PDPK1: variants seen among roughly 807,000 people sequenced by gnomAD.
PDPK1 encodes the protein 3-phosphoinositide dependent protein kinase 1.
A neutral mutation model predicts 39.8 loss-of-function variants in PDPK1; 7 were observed. That is an observed-to-expected ratio of 0.18 (90% CI 0.10 to 0.33). The LOEUF is 0.33. PDPK1 is among the 10% of genes least tolerant of loss of function. The probability of loss-of-function intolerance (pLI) is 1.00; values close to 1 mark genes in which losing one functional copy is unlikely to be tolerated. For synonymous variants in PDPK1, 118 were observed against 159.1 expected (o/e 0.74, Z 1.95); for missense variants, 182 against 384.7 (o/e 0.47, Z 4.41).
chr16:2,542,241 C>T (rs950758910), intron 1 of PDPK1, among the ~76,000 whole-genome samples: 2 of 152,218 alleles, frequency 1.3e-5, no homozygotes, highest in African/African-American at 4.8e-5. Flanking sequence ...CTCACTGCAA[C>T]CTCCGCCTCA....
rs1438083072 is a variant in PDPK1, at chr16:2,593,899, CTCTT to C, written c.1344-1892_1344-1889del. 1 of 152,336 alleles carries C rather than the reference CTCTT, an allele frequency of 6.6e-6. No homozygotes were observed. The highest frequency in any genetic ancestry group is 2.4e-5 in the African/African-American group (1 of 41,450). 9.4% of individuals were successfully genotyped at this position (152,336 alleles called of 1,614,324 possible). A position where few individuals can be genotyped will look rare whatever the true frequency, so the allele number is the denominator to read the frequency against. ...TTTCAGGAACCTCCTTGATCTGTTT[CTCTT>C]TGTTTTAATACCCACATTGTGTGTG... On this transcript the variant is annotated intron_variant, in intron 11 of 13. Coordinates refer to ENST00000342085, the MANE Select transcript of PDPK1 (RefSeq NM_002613.5). This position sits in a 1 kb window ranked among gnomAD's most constrained non-coding sequence, Gnocchi z 4.2.
chr16:2,597,931 C>G lies in PDPK1; in HGVS notation c.*164C>G. 1.7e-6 allele frequency: 1 copy of G among 591,764 alleles called. No individual in the cohort carries two copies. Among genetic ancestry groups the G allele is most frequent in the Non-Finnish European group, 3.0e-6 (1 of 333,364 alleles). 36.7% of individuals were successfully genotyped at this position (591,764 alleles called of 1,614,324 possible). A position where few individuals can be genotyped will look rare whatever the true frequency, so the allele number is the denominator to read the frequency against. On this transcript the variant is annotated 3_prime_UTR_variant, in exon 14 of 14. Transcript: ENST00000342085. The surrounding 1 kb of genome is among the most constrained non-coding windows in gnomAD (Gnocchi z 6.3). ...TTAAAAGAAAAGAAGAAAAAAAACA[C>G]CCAACCACACAAAGAACAAAACCAG...
rs779859162 is a variant in PDPK1 at position 2,595,869 on chromosome 16, C to G, written c.1401+19C>G. 9 of 1,600,216 alleles carry G rather than the reference C, an allele frequency of 5.6e-6. No individual in the cohort carries two copies. In the South Asian group the frequency reaches 9.9e-5, roughly 18 times the overall value. ...GCGGAAGGTGAGTGGTCAGTGGTCC[C>G]GCTGCTCCGCACGGACACCTGCATC... is the stretch of plus-strand genomic sequence containing the variant. On this transcript the variant is annotated intron_variant, in intron 12 of 13. Transcript: ENST00000342085.
intron 11 of PDPK1, among the ~76,000 whole-genome samples, chr16:2,590,944 A>T (rs1404461979): frequency 2.0e-5 from 3 of 149,900 alleles, no homozygotes; most frequent in Non-Finnish European, 4.4e-5. Flanking sequence ...CTACTGCACC[A>T]GGCCAAAAGT....
At chr16:2,538,989 A>C (rs1030945898) in intron 1 of PDPK1, 2 of 285,686 alleles carry the variant, frequency 7.0e-6, no homozygotes, top group African/African-American at 4.5e-5. Context: ...GAACGTCTAC[A>C]TGGCTTTAAC....
intron 10 of PDPK1, among the ~76,000 whole-genome samples, chr16:2,585,886 A>G (rs1455833601): frequency 6.6e-6 from 1 of 152,084 alleles, no homozygotes; most frequent in Non-Finnish European, 1.5e-5. Flanking sequence ...GGCATGCCGC[A>G]CTCTTATCCT....
intron 1 of PDPK1, among the ~76,000 whole-genome samples, chr16:2,545,326 CTT>C (rs1408888482): frequency 6.6e-6 from 1 of 151,576 alleles, no homozygotes; most frequent in Admixed American, 6.6e-5. Context: ...GTTCTTCTTT[CTT>C]TCTCTCTCTT....
chr16:2,591,083 C>T (rs966404133), intron 11 of PDPK1, among the ~76,000 whole-genome samples: 3 of 152,024 alleles, frequency 2.0e-5, no homozygotes, highest in Non-Finnish European at 4.4e-5. Context: ...CTGCCTCAGC[C>T]TCCCGAGGAG....
chr16:2,538,789 G>T (rs1431272822), intron 1 of PDPK1: 1 of 1,277,462 alleles, frequency 7.8e-7, no homozygotes, highest in Non-Finnish European at 1.0e-6. Flanking sequence ...GGATTTTAGG[G>T]GAAGGACCAA....
chr16:2,591,657 A>G (rs571884805), intron 11 of PDPK1, among the ~76,000 whole-genome samples: 48 of 152,340 alleles, frequency 3.2e-4, no homozygotes, highest in Non-Finnish European at 5.1e-4. Flanking sequence ...GCCTGAACAC[A>G]GATCTCAGCA....
rs1002680332 is a variant in PDPK1 at position 2,598,336 on chromosome 16, G to C, written c.*569G>C. 1.7e-5 allele frequency: 4 copies of C among 233,796 alleles called. No individual in the cohort carries two copies. In the Admixed American group the frequency reaches 2.2e-4, roughly 13 times the overall value. 14.5% of individuals were successfully genotyped at this position (233,796 alleles called of 1,614,324 possible). A position where few individuals can be genotyped will look rare whatever the true frequency, so the allele number is the denominator to read the frequency against. On this transcript the variant is annotated 3_prime_UTR_variant, in exon 14 of 14. Transcript: ENST00000342085. ...TCCCTGTGATGGGCCCTTAGGCCTG[G>C]CTGGGCCCATTACATATCCCTGTGG...
chr16:2,594,848 A>G (rs1011739029), intron 11 of PDPK1, among the ~76,000 whole-genome samples: 1 of 151,832 alleles, frequency 6.6e-6, no homozygotes, highest in Non-Finnish European at 1.5e-5. Flanking sequence ...CCTGGCGGGC[A>G]CAGTGGCTCA....
intron 1 of PDPK1, chr16:2,539,078 CTTTTTTT>C (rs57517702): frequency 6.2e-5 from 9 of 146,328 alleles, no homozygotes; most frequent in South Asian, 3.1e-4. Flanking sequence ...CAGGATGCGG[CTTTTTTT>C]TTTTTTTTTT....
At chr16:2,578,576 C>T (rs1473952970) in intron 7 of PDPK1, 8 of 19,390 alleles carry the variant, frequency 4.1e-4, no homozygotes, top group African/African-American at 1.0e-3. Flanking sequence ...CCTCCTGCCC[C>T]AGGCCAGTCA....
rs576677552 is a variant in PDPK1, at chr16:2,597,441, G to A, written c.1554+166G>A. 2.6e-5 allele frequency among the ~76,000 whole-genome samples: 4 copies of A among 152,318 alleles called. No individual in the cohort carries two copies. Among genetic ancestry groups the A allele is most frequent in the Admixed American group, 1.3e-4 (2 of 15,302 alleles). On this transcript the variant is annotated intron_variant, in intron 13 of 13. Transcript: ENST00000342085. The surrounding 1 kb of genome is among the most constrained non-coding windows in gnomAD (Gnocchi z 6.3). The stretch of plus-strand genomic sequence containing the variant: ...ACACTAGTGGCTCAGTCCTGAGGGG[G>A]CAGGGGACACCCTGTGCTTGTTTTT...
intron 1 of PDPK1, among the ~76,000 whole-genome samples, chr16:2,551,499 C>T (rs2066407077): frequency 2.0e-5 from 3 of 150,408 alleles, no homozygotes; most frequent in Admixed American, 6.9e-5. Flanking sequence ...TGAGAGTGTG[C>T]GGGCGCTGGC....
In PDPK1 at chr16:2,597,877, C is replaced by T. The variant is rs2067135990; in HGVS notation, c.*110C>T. On this transcript the variant is annotated 3_prime_UTR_variant, in exon 14 of 14. Transcript: ENST00000342085. The surrounding 1 kb of genome is among the most constrained non-coding windows in gnomAD (Gnocchi z 6.3). ...CCTGCCAGCCATCACAAGGGGAACG[C>T]AGAGGCGGAAACCTTGCAGCATTTT... 1 of 672,620 alleles carries T rather than the reference C, an allele frequency of 1.5e-6. No individual in the cohort carries two copies. The highest frequency in any genetic ancestry group is 2.6e-6 in the Non-Finnish European group (1 of 380,254). 41.7% of individuals were successfully genotyped at this position (672,620 alleles called of 1,614,324 possible). A position where few individuals can be genotyped will look rare whatever the true frequency, so the allele number is the denominator to read the frequency against.
At chr16:2,585,573 G>GT (rs1192361952) in intron 10 of PDPK1, among the ~76,000 whole-genome samples, 1 of 152,250 alleles carries the variant, frequency 6.6e-6, no homozygotes, top group Admixed American at 6.5e-5. Context: ...CTGAGGTCCT[G>GT]TAAGTGCCGG....
chr16:2,544,414 A>G (rs1288069809), intron 1 of PDPK1, among the ~76,000 whole-genome samples: 2 of 152,226 alleles, frequency 1.3e-5, no homozygotes, highest in African/African-American at 2.4e-5. Context: ...GTCTCCTGGA[A>G]CTTACTGGAC....
Sources: gnomAD v4.1 joint callset for allele counts (sites outside exome capture counted in the v4.1 genomes callset) on GRCh38, gnomAD v4.1.1 for gene constraint, Gnocchi (gnomAD v3.1) non-coding constraint, MANE v1.5 for transcripts, NCBI Gene and HGNC (gene_info 2026-07-23, HGNC 2026-07-21) for gene names.